The following ARHGAP15 variants were observed in gnomAD, a reference collection of about 807,000 sequenced individuals.
The protein encoded by ARHGAP15 is rho GTPase-activating protein 15.
A neutral mutation model predicts 63.7 loss-of-function variants in ARHGAP15; 51 were observed. The ratio of observed to expected loss-of-function variants is 0.80; its 90% confidence interval spans 0.64 to 1.01. The LOEUF (loss-of-function observed/expected upper bound fraction) is 1.01, where lower values mean the gene tolerates loss of function less well. Ranked by LOEUF, ARHGAP15 falls within the 50% of genes least tolerant of loss-of-function variation. The pLI is 0.00. For missense variants in ARHGAP15, 560 were observed against 564.6 expected, an observed-to-expected ratio of 0.99 and a Z score of 0.08; for synonymous variants, 191 against 193.8, an observed-to-expected ratio of 0.99 and a Z score of 0.12.
At chr2:143,708,105 G>A (rs1684414571) in intron 13 of ARHGAP15, among the ~76,000 whole-genome samples, 1 of 152,070 alleles carries the variant, frequency 6.6e-6, no homozygotes, top group Admixed American at 6.6e-5. Context: ...GCCACTTACT[G>A]GATGTATAAC....
intron 6 of ARHGAP15, among the ~76,000 whole-genome samples, chr2:143,359,850 C>T (rs1445588819): frequency 1.3e-5 from 2 of 151,960 alleles, no homozygotes; most frequent in South Asian, 2.1e-4. Flanking sequence ...TTCATGATTT[C>T]GGTAGGAAAA....
intron 13 of ARHGAP15, among the ~76,000 whole-genome samples, chr2:143,707,373 G>A (rs1459977415): frequency 1.3e-5 from 2 of 152,198 alleles, no homozygotes; most frequent in African/African-American, 4.8e-5. Context: ...CCCCCTGATA[G>A]CATTATTTTT....
At chr2:143,271,751 C>T (rs937518028) in intron 6 of ARHGAP15, among the ~76,000 whole-genome samples, 1 of 152,228 alleles carries the variant, frequency 6.6e-6, no homozygotes, top group Admixed American at 6.5e-5. Context: ...GCTGGGATTA[C>T]AGGCATGAGC....
chr2:143,177,164 A>G (rs1327061951), intron 2 of ARHGAP15, among the ~76,000 whole-genome samples: 1 of 152,200 alleles, frequency 6.6e-6, no homozygotes, highest in Non-Finnish European at 1.5e-5. Flanking sequence ...AAATTTAGAT[A>G]TGCTCTTTTC....
chr2:143,664,904 C>T (rs1446697783), intron 12 of ARHGAP15, among the ~76,000 whole-genome samples: 1 of 151,936 alleles, frequency 6.6e-6, no homozygotes, highest in African/African-American at 2.4e-5. Flanking sequence ...ATAACAGGAG[C>T]TGAAATTGTG....
intron 6 of ARHGAP15, among the ~76,000 whole-genome samples, chr2:143,299,351 A>G (rs1229104427): frequency 6.6e-6 from 1 of 151,950 alleles, no homozygotes; most frequent in Non-Finnish European, 1.5e-5. Context: ...TTAAGCATCA[A>G]GAGATAGTAG....
intron 13 of ARHGAP15, among the ~76,000 whole-genome samples, chr2:143,765,109 ATGTGTGTGTGTG>A (rs60894627): frequency 0.12 from 18,108 of 147,590 alleles, 1,418 homozygotes; most frequent in South Asian, 0.24. Flanking sequence ...CCTCTAAAAT[ATGTGTGTGTGTG>A]TGTGTGTGTG....
intron 9 of ARHGAP15, among the ~76,000 whole-genome samples, chr2:143,497,581 T>A (rs1181434633): frequency 6.6e-6 from 1 of 152,194 alleles, no homozygotes; most frequent in Non-Finnish European, 1.5e-5. Flanking sequence ...TTAGTTCTTG[T>A]TAGCTTTTCA....
intron 6 of ARHGAP15, among the ~76,000 whole-genome samples, chr2:143,419,885 G>A (rs1395214484): frequency 2.0e-5 from 3 of 152,164 alleles, no homozygotes; most frequent in South Asian, 4.1e-4. Context: ...AAACAAAACA[G>A]CAATATCATT....
At position 143,275,133 on chromosome 2, in the gene ARHGAP15, G is replaced by A. The variant is rs992391246; in HGVS notation, c.474+24533G>A. ...AGATGGCACCACTGCACTCCAGCCC[G>A]GACAACAGAGACTCCATCTCAAAGA... On this transcript the variant is annotated intron_variant, in intron 6 of 13. Coordinates refer to ENST00000295095, the MANE Select transcript of ARHGAP15 (RefSeq NM_018460.4). Among the ~76,000 whole-genome samples the A allele has an allele frequency of 1.2e-4, 19 of 152,184 alleles. 1 individual carries two copies. In the South Asian group the frequency reaches 2.1e-3, roughly 17 times the overall value.
At chr2:143,392,809 C>T (rs914224737) in intron 6 of ARHGAP15, among the ~76,000 whole-genome samples, 15 of 152,056 alleles carry the variant, frequency 9.9e-5, no homozygotes, top group Non-Finnish European at 1.9e-4. Context: ...CTTTGGGTGA[C>T]TGGTCTAGTT....
At chr2:143,679,649 G>A (rs1366037671) in intron 12 of ARHGAP15, among the ~76,000 whole-genome samples, 1 of 25,916 alleles carries the variant, frequency 3.9e-5, no homozygotes, top group Non-Finnish European at 1.2e-3. Flanking sequence ...GGGGGTGCGT[G>A]TGTGCGTGTG....
intron 6 of ARHGAP15, among the ~76,000 whole-genome samples, chr2:143,330,144 AAC>A (rs1684479373): frequency 7.1e-6 from 1 of 141,578 alleles, no homozygotes; most frequent in Non-Finnish European, 1.5e-5. Flanking sequence ...AAAAACAAAA[AAC>A]TAAACTAATG....
At chr2:143,550,980 A>G (rs1471395898) in intron 10 of ARHGAP15, among the ~76,000 whole-genome samples, 15 of 152,214 alleles carry the variant, frequency 9.9e-5, no homozygotes, top group Admixed American at 6.5e-5. Context: ...ATGCTAAGAT[A>G]TAGAAATAGG....
chr2:143,292,690 T>A (rs1355013396), intron 6 of ARHGAP15, among the ~76,000 whole-genome samples: 6 of 152,034 alleles, frequency 3.9e-5, no homozygotes, highest in Non-Finnish European at 5.9e-5. Context: ...AAGAAAATCT[T>A]ATTTTAGTTC....
chr2:143,199,809 C>T (rs989903884), intron 2 of ARHGAP15, among the ~76,000 whole-genome samples: 2 of 152,104 alleles, frequency 1.3e-5, no homozygotes, highest in African/African-American at 4.8e-5. Flanking sequence ...CCAATGGACA[C>T]AGCCTAAAGT....
At chr2:143,576,710 AAG>A (rs1574654973) in intron 11 of ARHGAP15, among the ~76,000 whole-genome samples, 3 of 152,130 alleles carry the variant, frequency 2.0e-5, no homozygotes, top group African/African-American at 7.2e-5. Flanking sequence ...ATAAAGAAAA[AAG>A]AACTCTGGGA....
chr2:143,447,589 T>C (rs1015263804), intron 8 of ARHGAP15, among the ~76,000 whole-genome samples: 1 of 152,174 alleles, frequency 6.6e-6, no homozygotes, highest in Admixed American at 6.5e-5. Flanking sequence ...TCTATTCCAT[T>C]AGACTGCAAG....
intron 10 of ARHGAP15, among the ~76,000 whole-genome samples, chr2:143,548,825 A>G (rs956718495): frequency 2.0e-5 from 3 of 152,052 alleles, no homozygotes; most frequent in African/African-American, 7.2e-5. Flanking sequence ...CAAGCATTTC[A>G]TAGCAGAAAT....
Sources: allele counts gnomAD v4.1 joint callset (sites outside exome capture counted in the v4.1 genomes callset), GRCh38; gene constraint gnomAD v4.1.1; transcripts MANE v1.5; gene names NCBI Gene and HGNC (gene_info 2026-07-23, HGNC 2026-07-21).